The following DLG2 variants were observed in gnomAD, a reference collection of about 807,000 sequenced individuals.
The protein encoded by DLG2 is disks large homolog 2.
In DLG2, 45 loss-of-function variants were observed where a neutral mutation model predicts 132.5. That is an observed-to-expected ratio of 0.34 (90% CI 0.27 to 0.44). DLG2 has a LOEUF of 0.44. Among genes scored for constraint, DLG2 ranks in the 20% least tolerant of loss-of-function variants. DLG2 has a pLI of 1.00. For synonymous variants in DLG2, 424 were observed against 419.6 expected (o/e 1.01, Z -0.13); for missense variants, 1,045 against 1,196.9 (o/e 0.87, Z 1.87).
chr11:83,605,580 T>C (rs1426818016), intron 19 of DLG2, among the ~76,000 whole-genome samples: 3 of 152,192 alleles, frequency 2.0e-5, no homozygotes, highest in Non-Finnish European at 4.4e-5. Context: ...AAGAACCCTA[T>C]GGGATAAGAA....
chr11:85,537,385 TCA>T (rs1169483826), intron 3 of DLG2, among the ~76,000 whole-genome samples: 1 of 152,208 alleles, frequency 6.6e-6, no homozygotes, highest in Non-Finnish European at 1.5e-5. Flanking sequence ...TCGCTGCTGC[TCA>T]CTCTTTGGGT....
At chr11:84,620,206 C>T (rs1249033428) in intron 6 of DLG2, among the ~76,000 whole-genome samples, 1 of 151,646 alleles carries the variant, frequency 6.6e-6, no homozygotes, top group Non-Finnish European at 1.5e-5. Flanking sequence ...ACAAAGTGAG[C>T]ATTGCAGATA....
chr11:84,516,471 G>T (rs2154515412), intron 7 of DLG2, among the ~76,000 whole-genome samples: 2 of 151,548 alleles, frequency 1.3e-5, no homozygotes, highest in East Asian at 3.9e-4. Flanking sequence ...AACCTAGAAG[G>T]AATGGATAAA....
chr11:84,001,579 C>G (rs1015171954), intron 11 of DLG2, among the ~76,000 whole-genome samples: 14 of 152,070 alleles, frequency 9.2e-5, no homozygotes, highest in African/African-American at 3.4e-4. Flanking sequence ...TTAAAGTAGA[C>G]TTTAGATAAA....
intron 6 of DLG2, among the ~76,000 whole-genome samples, chr11:84,560,991 C>G (rs1280931900): frequency 6.6e-6 from 1 of 152,012 alleles, no homozygotes; most frequent in Non-Finnish European, 1.5e-5. Flanking sequence ...ATTTCATTCC[C>G]TTTTCTCATG....
chr11:85,023,500 C>T (rs899119400), intron 6 of DLG2, among the ~76,000 whole-genome samples: 5 of 151,922 alleles, frequency 3.3e-5, no homozygotes, highest in African/African-American at 1.2e-4. Flanking sequence ...TACTTATCTC[C>T]TTGTATTAAG....
At chr11:84,008,848 G>A (rs1379053874) in intron 11 of DLG2, among the ~76,000 whole-genome samples, 1 of 151,528 alleles carries the variant, frequency 6.6e-6, no homozygotes, top group Admixed American at 6.6e-5. Context: ...GGATGACCCA[G>A]TTGTCATTAG....
At chr11:83,537,448 C>T (rs558518757) in intron 20 of DLG2, among the ~76,000 whole-genome samples, 20 of 152,204 alleles carry the variant, frequency 1.3e-4, no homozygotes, top group African/African-American at 4.8e-4. Flanking sequence ...TATATAATGC[C>T]AGCCATATGC....
intron 6 of DLG2, among the ~76,000 whole-genome samples, chr11:85,041,212 A>G (rs959169326): frequency 1.4e-4 from 22 of 152,062 alleles, no homozygotes; most frequent in African/African-American, 5.1e-4. Flanking sequence ...GTATAATAGC[A>G]GTGCAGTAGC....
intron 5 of DLG2, among the ~76,000 whole-genome samples, chr11:85,146,134 G>A (rs372041712): frequency 1.3e-5 from 2 of 151,814 alleles, no homozygotes; most frequent in African/African-American, 4.8e-5. Context: ...TAAGATCTGG[G>A]GAATTCCCTG....
intron 6 of DLG2, among the ~76,000 whole-genome samples, chr11:84,759,289 G>A (rs2067290460): frequency 6.6e-6 from 1 of 152,092 alleles, no homozygotes; most frequent in South Asian, 2.1e-4. Flanking sequence ...GAAGCTATTA[G>A]GCTAAAGGGG....
intron 16 of DLG2, among the ~76,000 whole-genome samples, chr11:83,855,168 A>T (rs1050378949): frequency 5.9e-5 from 9 of 152,226 alleles, no homozygotes; most frequent in African/African-American, 2.2e-4. Flanking sequence ...GAATACTGAC[A>T]AAAACAAATG....
chr11:85,484,358 A>G (rs1597797855), intron 3 of DLG2, among the ~76,000 whole-genome samples: 2 of 150,632 alleles, frequency 1.3e-5, no homozygotes, highest in Admixed American at 1.3e-4. Flanking sequence ...AATGGGATCT[A>G]ATTAAACTAA....
chr11:84,568,808 G>C (rs1236444519), intron 6 of DLG2, among the ~76,000 whole-genome samples: 2 of 152,184 alleles, frequency 1.3e-5, no homozygotes, highest in African/African-American at 2.4e-5. Flanking sequence ...AGCTAGACAA[G>C]CTTGGCCCAG....
At chr11:84,325,434 T>A (rs1466712536) in intron 7 of DLG2, among the ~76,000 whole-genome samples, 1 of 152,014 alleles carries the variant, frequency 6.6e-6, no homozygotes. Flanking sequence ...TTTGTTCAAC[T>A]CCCACTTATT....
At chr11:84,878,714 C>T (rs951679822) in intron 6 of DLG2, among the ~76,000 whole-genome samples, 1 of 151,842 alleles carries the variant, frequency 6.6e-6, no homozygotes, top group South Asian at 2.1e-4. Context: ...AAAAAAAATC[C>T]AAAAAAGAAG....
At chr11:85,264,302 C>A (rs116087189) in intron 4 of DLG2, among the ~76,000 whole-genome samples, 174 of 152,246 alleles carry the variant, frequency 1.1e-3, no homozygotes, top group African/African-American at 4.0e-3. Flanking sequence ...AAAGCAGAAA[C>A]CAGGGACAAG....
chr11:85,154,177 A>G lies in DLG2; in HGVS notation c.282+379T>C, dbSNP rs577174637. ...AAAAAAAAAACAGTCTCATTGCCAA[A>G]TTAGATAACTTCCTTTCCTGGAAGC... On this transcript the variant is annotated intron_variant, in intron 5 of 27. Transcript: ENST00000376104. 9.3e-4 allele frequency among the ~76,000 whole-genome samples: 141 copies of G among 151,550 alleles called. 1 individual carries two copies. Among genetic ancestry groups the G allele is most frequent in the Middle Eastern group, 3.4e-3 (1 of 292 alleles).
intron 7 of DLG2, among the ~76,000 whole-genome samples, chr11:84,425,431 C>T (rs1322403846): frequency 6.6e-6 from 1 of 152,050 alleles, no homozygotes; most frequent in African/African-American, 2.4e-5. Context: ...TACATTTTAT[C>T]CTGCTTTTTT....
Sources: gnomAD v4.1 joint callset for allele counts (sites outside exome capture counted in the v4.1 genomes callset) on GRCh38, gnomAD v4.1.1 for gene constraint, MANE v1.5 for transcripts, NCBI Gene and HGNC (gene_info 2026-07-23, HGNC 2026-07-21) for gene names.